The following ADGRL2 variants were observed in gnomAD, a reference collection of about 807,000 sequenced individuals.
ADGRL2 encodes the protein calcium-independent alpha-latrotoxin receptor 2.
Under a neutral mutation model 157.4 loss-of-function variants are expected in ADGRL2, and 44 were observed. The ratio of observed to expected loss-of-function variants is 0.28; its 90% CI spans 0.22 to 0.36. The LOEUF is 0.36. Among genes scored for constraint, ADGRL2 ranks in the 10% least tolerant of loss-of-function variants. The probability of loss-of-function intolerance (pLI) is 1.00; values close to 1 mark genes in which losing one functional copy is unlikely to be tolerated. For missense variants in ADGRL2, 1,510 were observed against 1,768.9 expected (o/e 0.85, Z 2.63); for synonymous variants, 585 against 624.7 (o/e 0.94, Z 0.95).
intron 2 of ADGRL2, among the ~76,000 whole-genome samples, chr1:81,905,729 G>A (rs565342768): frequency 1.6e-4 from 24 of 152,268 alleles, no homozygotes; most frequent in Middle Eastern, 3.4e-3. Context: ...TTATAGAATT[G>A]TAATTGCAAA....
intron 3 of ADGRL2, among the ~76,000 whole-genome samples, chr1:81,656,846 C>T (rs940370502): frequency 2.0e-5 from 3 of 151,574 alleles, no homozygotes; most frequent in Non-Finnish European, 4.4e-5. Context: ...CCTGTCTCTA[C>T]AAAAAATACA....
intron 2 of ADGRL2, among the ~76,000 whole-genome samples, chr1:81,508,251 G>A (rs140550638): frequency 1.5e-4 from 23 of 152,228 alleles, no homozygotes; most frequent in African/African-American, 5.3e-4. Context: ...CTGACTTCTC[G>A]ATGCATGCAT....
chr1:81,471,805 A>G (rs1354168266), intron 2 of ADGRL2, among the ~76,000 whole-genome samples: 1 of 152,242 alleles, frequency 6.6e-6, no homozygotes, highest in Non-Finnish European at 1.5e-5. Context: ...ATTTCATTTT[A>G]AAGATAGTAT....
chr1:81,918,976 T>G (rs973924927), intron 3 of ADGRL2, among the ~76,000 whole-genome samples: 1 of 152,156 alleles, frequency 6.6e-6, no homozygotes, highest in African/African-American at 2.4e-5. Context: ...CCCTTAAATT[T>G]TACAAGTTTT....
chr1:81,390,734 T>A (rs1006476560), intron 1 of ADGRL2, among the ~76,000 whole-genome samples: 37 of 152,288 alleles, frequency 2.4e-4, no homozygotes, highest in African/African-American at 8.4e-4. Context: ...TGTTTCTGTA[T>A]CAGTACATAT....
intron 3 of ADGRL2, among the ~76,000 whole-genome samples, chr1:81,919,108 T>A (rs1159935642): frequency 6.6e-6 from 1 of 152,200 alleles, no homozygotes; most frequent in African/African-American, 2.4e-5. Flanking sequence ...GGATATTTCA[T>A]TGTATCTTTA....
intron 3 of ADGRL2, among the ~76,000 whole-genome samples, chr1:81,597,800 ATTGT>A (rs1481829251): frequency 6.6e-6 from 1 of 152,170 alleles, no homozygotes; most frequent in Non-Finnish European, 1.5e-5. Flanking sequence ...TAAGTCAGTG[ATTGT>A]TTGTATTTTA....
At chr1:81,823,208 G>A (rs1308566294) in intron 1 of ADGRL2, among the ~76,000 whole-genome samples, 1 of 151,648 alleles carries the variant, frequency 6.6e-6, no homozygotes, top group Non-Finnish European at 1.5e-5. Flanking sequence ...TTTCACACGA[G>A]TTTCTGAATT....
At chr1:81,434,620 T>C (rs2077377675) in intron 1 of ADGRL2, among the ~76,000 whole-genome samples, 1 of 152,172 alleles carries the variant, frequency 6.6e-6, no homozygotes, top group South Asian at 2.1e-4. Context: ...TTGTAGAAAT[T>C]GGGAGTGAGG....
chr1:81,661,266 G>T (rs1194802337), intron 3 of ADGRL2, among the ~76,000 whole-genome samples: 5 of 152,176 alleles, frequency 3.3e-5, no homozygotes, highest in South Asian at 4.1e-4. Context: ...GAAAATGAAG[G>T]CAGAATGAAG....
At chr1:81,729,237 G>A (rs1382998359) in intron 1 of ADGRL2, among the ~76,000 whole-genome samples, 3 of 151,732 alleles carry the variant, frequency 2.0e-5, no homozygotes, top group East Asian at 3.9e-4. Flanking sequence ...GCTAAGCTTC[G>A]CTGTATTTAT....
At chr1:81,760,027 G>C (rs1172327808) in intron 1 of ADGRL2, among the ~76,000 whole-genome samples, 1 of 152,058 alleles carries the variant, frequency 6.6e-6, no homozygotes, top group Non-Finnish European at 1.5e-5. Context: ...TCTAAAAAAA[G>C]AAATGGTAGA....
At chr1:81,778,941 G>T (rs1460874051) in intron 2 of ADGRL2, among the ~76,000 whole-genome samples, 1 of 152,166 alleles carries the variant, frequency 6.6e-6, no homozygotes, top group Admixed American at 6.5e-5. Context: ...TTATAGGGCT[G>T]CTATGATGAT....
rs561222539 is a variant in ADGRL2 at position 81,984,618 on chromosome 1, A to T, written c.3318A>T (p.Ser1106=). 1.2e-6 allele frequency: 2 copies of T among 1,612,380 alleles called. No homozygotes were observed. Among genetic ancestry groups the T allele is most frequent in the Non-Finnish European group, 1.7e-6 (2 of 1,178,902 alleles). ...AATATGGCAAGTGCTTCAGACACTC[A>T]TACTGCTGTGGAGGCCTCCCAACTG... The part of the protein sequence containing the change: ...RKEYGKCFRH[S]YCCGGLPTES... Residue 1106 remains serine, a synonymous_variant, in exon 20 of 24, where the codon TCA becomes TCT. Coordinates refer to ENST00000686636, the MANE Select transcript of ADGRL2 (RefSeq NM_001366006.2).
intron 2 of ADGRL2, among the ~76,000 whole-genome samples, chr1:81,481,842 A>C (rs563510149): frequency 1.8e-3 from 275 of 152,166 alleles, no homozygotes; most frequent in Non-Finnish European, 3.2e-3. Context: ...CCTCTCCTTA[A>C]ATATGTAGCC....
chr1:81,553,010 G>A (rs1233802079), intron 2 of ADGRL2, among the ~76,000 whole-genome samples: 3 of 152,098 alleles, frequency 2.0e-5, no homozygotes, highest in South Asian at 2.1e-4. Context: ...GATGAACAGG[G>A]CATTTACAGA....
At chr1:81,646,372 A>G (rs1417403339) in intron 3 of ADGRL2, among the ~76,000 whole-genome samples, 1 of 152,208 alleles carries the variant, frequency 6.6e-6, no homozygotes. Context: ...CTATTGAGTA[A>G]AGGCCCTGGT....
intron 2 of ADGRL2, among the ~76,000 whole-genome samples, chr1:81,903,812 T>TACAC (rs66880348): frequency 1.1e-4 from 13 of 120,528 alleles, no homozygotes; most frequent in Non-Finnish European, 2.2e-4. Context: ...ACATTTTATA[T>TACAC]ACACACACAC....
intron 4 of ADGRL2, 141 bp downstream of exon 4, chr1:81,936,978 A>G (rs1177329922): frequency 9.0e-6 from 5 of 554,856 alleles, no homozygotes; most frequent in East Asian, 8.4e-5. Context: ...TGGGCCTCCA[A>G]TTAACTTCAT....
Sources: allele counts gnomAD v4.1 joint callset (sites outside exome capture counted in the v4.1 genomes callset), GRCh38; gene constraint gnomAD v4.1.1; transcripts MANE v1.5; gene names NCBI Gene and HGNC (gene_info 2026-07-23, HGNC 2026-07-21).